The following RALGPS1 variants were observed in gnomAD, a reference collection of about 807,000 sequenced individuals.
RALGPS1 encodes Ral GEF with PH domain and SH3 binding motif 1, also known as ras-specific guanine nucleotide-releasing factor RalGPS1.
Under a neutral mutation model 78.8 loss-of-function variants are expected in RALGPS1, and 19 were observed. That is an observed-to-expected ratio of 0.24 (90% CI 0.17 to 0.35). RALGPS1 has a LOEUF of 0.35. Ranked by LOEUF, RALGPS1 falls within the 10% of genes least tolerant of loss-of-function variation. RALGPS1 has a pLI of 1.00. For missense variants in RALGPS1, 454 were observed against 688.3 expected, an observed-to-expected ratio of 0.66 and a Z score of 3.81; for synonymous variants, 228 against 256.3, an observed-to-expected ratio of 0.89 and a Z score of 1.06.
chr9:127,006,887 G>T (rs2043882154), intron 4 of RALGPS1, among the ~76,000 whole-genome samples: 1 of 146,836 alleles, frequency 6.8e-6, no homozygotes, highest in African/African-American at 2.4e-5. Context: ...GATTTCTTTT[G>T]ATTCTTTTTA....
At chr9:127,213,208 G>A (rs1467572905) in intron 17 of RALGPS1, among the ~76,000 whole-genome samples, 159 bp downstream of exon 17, 3 of 152,226 alleles carry the variant, frequency 2.0e-5, no homozygotes, top group African/African-American at 4.8e-5. Context: ...CACAAAAGCT[G>A]CATAGATCAT....
In RALGPS1 at chr9:127,191,783, T is replaced by C. The variant is rs558134239; in HGVS notation, c.911-3308T>C. Among the ~76,000 whole-genome samples the C allele has an allele frequency of 4.0e-4, 60 of 148,774 alleles. 1 individual carries two copies. In the South Asian group the frequency reaches 5.6e-3, roughly 14 times the overall value. On this transcript the variant is annotated intron_variant, in intron 11 of 18. Coordinates refer to ENST00000259351, the MANE Select transcript of RALGPS1 (RefSeq NM_014636.3). ...CACGATCTCGGCTCACTGCAAGCTCTGCCTCCCAGGTTCACGCCATTCTCC... is the reference window on the plus strand; with the variant it reads ...CACGATCTCGGCTCACTGCAAGCTCCGCCTCCCAGGTTCACGCCATTCTCC...
At chr9:127,042,801 A>G (rs2135052584) in intron 5 of RALGPS1, among the ~76,000 whole-genome samples, 1 of 152,322 alleles carries the variant, frequency 6.6e-6, no homozygotes, top group Non-Finnish European at 1.5e-5. Flanking sequence ...ATACTCCTGG[A>G]ACTAAGAAGT....
intron 1 of RALGPS1, among the ~76,000 whole-genome samples, chr9:126,956,491 A>G (rs1180996549): frequency 3.3e-5 from 5 of 152,204 alleles, no homozygotes; most frequent in Non-Finnish European, 7.3e-5. Context: ...CAGACTGGAA[A>G]CAAGTGCTCT....
chr9:127,033,203 C>CA (rs932951434), intron 4 of RALGPS1, among the ~76,000 whole-genome samples: 24 of 152,182 alleles, frequency 1.6e-4, no homozygotes, highest in African/African-American at 5.8e-4. Flanking sequence ...AGAAGTGAGG[C>CA]ACCAGGAGGA....
chr9:126,924,886 G>A (rs2035118713), intron 1 of RALGPS1, among the ~76,000 whole-genome samples: 1 of 152,198 alleles, frequency 6.6e-6, no homozygotes, highest in Non-Finnish European at 1.5e-5. Flanking sequence ...AGCACTTTGG[G>A]AGGCCGAGGC....
intron 8 of RALGPS1, among the ~76,000 whole-genome samples, chr9:127,154,477 C>T (rs949832987): frequency 1.3e-5 from 2 of 152,228 alleles, no homozygotes; most frequent in African/African-American, 4.8e-5. Context: ...CAATCAGATG[C>T]CTTCTTCCTT....
chr9:127,185,120 G>A (rs970686338), intron 11 of RALGPS1, among the ~76,000 whole-genome samples: 1 of 152,100 alleles, frequency 6.6e-6, no homozygotes, highest in South Asian at 2.1e-4. Flanking sequence ...CCACTCCACC[G>A]ACGGTCACCC....
At chr9:127,100,206 A>G (rs2053576253) in intron 8 of RALGPS1, among the ~76,000 whole-genome samples, 1 of 152,242 alleles carries the variant, frequency 6.6e-6, no homozygotes, top group Non-Finnish European at 1.5e-5. Flanking sequence ...TCTTAGCCAA[A>G]TAATTTTAAA....
chr9:126,936,939 C>G lies in RALGPS1; in HGVS notation c.-66+21964C>G, dbSNP rs142738083. 4.1e-3 allele frequency among the ~76,000 whole-genome samples: 621 copies of G among 151,932 alleles called. 3 individuals are homozygous for G. The highest frequency in any genetic ancestry group is 0.014 in the African/African-American group (594 of 41,390). On this transcript the variant is annotated intron_variant, in intron 1 of 18. Transcript: ENST00000259351. ...ACTGTCTCACGAAAACCTCCATCTC[C>G]CAAATAGTTCAGGTGATTCTCCTGC...
chr9:126,951,765 A>G (rs2479729), intron 1 of RALGPS1, among the ~76,000 whole-genome samples: 30,633 of 152,204 alleles, frequency 0.2, 3,829 homozygotes, highest in East Asian at 0.44. Flanking sequence ...GGCACAAGAC[A>G]GTGATGCCCT....
Position 127,212,337 on chromosome 9 carries a change from G to T in RALGPS1, c.1353+101G>T. The T allele has an allele frequency of 1.1e-6, 1 of 893,196 alleles. No individual in the cohort carries two copies. The allele number at this position is 893,196 out of a possible 1,614,324, so 55.3% of individuals were successfully genotyped here. On this transcript the variant is annotated intron_variant, in intron 15 of 18. Coordinates refer to ENST00000259351, the MANE Select transcript of RALGPS1 (RefSeq NM_014636.3). The surrounding 1 kb of genome is among the most constrained non-coding windows in gnomAD (Gnocchi z 6.0). ...AGCAAAAGTCACATGCATGGCAGAGGCTCTGCTTGCAGTGGGCATGCAGCG... is the reference window on the plus strand; with the variant it reads ...AGCAAAAGTCACATGCATGGCAGAGTCTCTGCTTGCAGTGGGCATGCAGCG...
At chr9:126,956,409 G>A (rs948314463) in intron 1 of RALGPS1, among the ~76,000 whole-genome samples, 1 of 152,198 alleles carries the variant, frequency 6.6e-6, no homozygotes, top group Non-Finnish European at 1.5e-5. Flanking sequence ...CCTAGTATGT[G>A]AAGTATCACT....
At chr9:127,199,176 C>A in intron 14 of RALGPS1, 110 bp downstream of exon 14, 1 of 992,240 alleles carries the variant, frequency 1.0e-6, no homozygotes, top group Non-Finnish European at 1.6e-6. Context: ...CCCCATGAGG[C>A]TGCTCTGTGG....
chr9:126,996,970 C>G (rs1455463561), intron 4 of RALGPS1, among the ~76,000 whole-genome samples: 1 of 152,128 alleles, frequency 6.6e-6, no homozygotes, highest in Non-Finnish European at 1.5e-5. Context: ...AGGCCTTTGA[C>G]AAAATTCAAC....
intron 2 of RALGPS1, among the ~76,000 whole-genome samples, chr9:126,965,556 C>T (rs1365422380): frequency 6.6e-6 from 1 of 152,192 alleles, no homozygotes; most frequent in African/African-American, 2.4e-5. Context: ...CTGGCTTTCC[C>T]TTTCATAGCT....
chr9:126,991,925 G>C (rs928832886), intron 4 of RALGPS1, among the ~76,000 whole-genome samples: 2 of 152,246 alleles, frequency 1.3e-5, no homozygotes, highest in Admixed American at 1.3e-4. Flanking sequence ...GGGCTCAGCA[G>C]TATGTAAAGC....
In RALGPS1 at chr9:127,108,403, A is replaced by G. The variant is rs147398337; in HGVS notation, c.610+39047A>G. On this transcript the variant is annotated intron_variant, in intron 8 of 18. Coordinates refer to ENST00000259351, the MANE Select transcript of RALGPS1 (RefSeq NM_014636.3). Reference sequence around the variant, plus strand: ...GCTCACAATGCCGCCGTCCACCTCCACCAGCTGCTGCAGCGTCTCGATCTG... The same window carrying G: ...GCTCACAATGCCGCCGTCCACCTCCGCCAGCTGCTGCAGCGTCTCGATCTG... 12 of 1,607,634 alleles carry G rather than the reference A, an allele frequency of 7.5e-6. No homozygotes were observed. The African/African-American group carries it at 1.1e-4, about 14-fold the overall frequency.
intron 4 of RALGPS1, among the ~76,000 whole-genome samples, chr9:126,985,413 G>A (rs777665792): frequency 1.3e-4 from 20 of 152,112 alleles, no homozygotes; most frequent in Non-Finnish European, 2.6e-4. Context: ...AGGATTGCTC[G>A]TTATACTACA....
Sources: gnomAD v4.1 joint callset for allele counts (sites outside exome capture counted in the v4.1 genomes callset) on GRCh38, gnomAD v4.1.1 for gene constraint, Gnocchi (gnomAD v3.1) non-coding constraint, MANE v1.5 for transcripts, NCBI Gene and HGNC (gene_info 2026-07-23, HGNC 2026-07-21) for gene names.